Variants in RHPN1 observed in about 807,000 individuals in gnomAD.
RHPN1 encodes the protein rhophilin-1.
RHPN1 carries 77 observed loss-of-function variants against 74.7 expected under a neutral mutation model. The observed-to-expected ratio is 1.03, with a 90% CI of 0.86 to 1.25. The LOEUF is 1.25. Among genes scored for constraint, RHPN1 ranks in the 50% most tolerant of loss-of-function variants. The probability of loss-of-function intolerance (pLI) is 0.00; values close to 1 mark genes in which losing one functional copy is unlikely to be tolerated. For synonymous variants in RHPN1, 444 were observed against 414.5 expected, an observed-to-expected ratio of 1.07 and a Z score of -0.87; for missense variants, 987 against 932.2, an observed-to-expected ratio of 1.06 and a Z score of -0.77.
At chr8:143,376,236 C>T (rs911448317) in intron 2 of RHPN1, among the ~76,000 whole-genome samples, 1 of 152,228 alleles carries the variant, frequency 6.6e-6, no homozygotes, top group Non-Finnish European at 1.5e-5. Flanking sequence ...CTGTCGAGGG[C>T]TGTATGAGCC....
At position 143,376,519 on chromosome 8, in the gene RHPN1, C is replaced by T. The variant is rs974218035; in HGVS notation, c.177-6C>T. On this transcript the variant is annotated splice_region_variant and splice_polypyrimidine_tract_variant and intron_variant, in intron 2 of 14. Coordinates refer to ENST00000289013, the MANE Select transcript of RHPN1 (RefSeq NM_052924.3). ...CTGGGCTTTCAACTGCCGCGGCCTC[C>T]CTCAGAGCCACCAGCAACAACCGGG... The T allele has an allele frequency of 1.2e-6, 2 of 1,611,986 alleles. No individual in the cohort carries two copies. Among genetic ancestry groups the T allele is most frequent in the Non-Finnish European group, 1.7e-6 (2 of 1,179,406 alleles).
rs915417833 is a variant in RHPN1 at position 143,381,804 on chromosome 8, C to G, written c.1636-3C>G. On this transcript the variant is annotated splice_polypyrimidine_tract_variant and splice_region_variant and intron_variant, in intron 13 of 14. Transcript: ENST00000289013. ...CCACCTCACCGTCCAAGTCTCCCCACAGGCGGCTGGCCTGAAGGAGGGCGA... is the reference window on the plus strand; with the variant it reads ...CCACCTCACCGTCCAAGTCTCCCCAGAGGCGGCTGGCCTGAAGGAGGGCGA... The G allele has an allele frequency of 6.2e-7, 1 of 1,611,866 alleles. No homozygotes were observed. The highest frequency in any genetic ancestry group is 2.2e-5 in the East Asian group (1 of 44,834).
intron 5 of RHPN1, 24 bp downstream of exon 5, chr8:143,378,370 A>ACCCCCCCCCCC: frequency 1.3e-6 from 1 of 764,066 alleles, no homozygotes; most frequent in South Asian, 1.7e-5. Flanking sequence ...CCGCCCACCC[A>ACCCCCCCCCCC]CCCTCCTGCA....
upstream of RHPN1, among the ~76,000 whole-genome samples, chr8:143,364,407 C>T (rs1048995240): frequency 6.6e-6 from 1 of 152,136 alleles, no homozygotes; most frequent in African/African-American, 2.4e-5. The surrounding 1 kb of genome is among the most constrained non-coding windows in gnomAD (Gnocchi z 4.5). Context: ...GGTCCCTCAG[C>T]GGCCGGGAGG....
chr8:143,368,311 C>T (rs1817606472), upstream of RHPN1: 1 of 153,612 alleles, frequency 6.5e-6, no homozygotes, highest in Non-Finnish European at 1.5e-5. Context: ...GGCCTGGAGC[C>T]TCCGCTCCGC....
upstream of RHPN1, among the ~76,000 whole-genome samples, chr8:143,366,143 T>TC (rs11418673): frequency 0.63 from 95,686 of 151,834 alleles, 32,991 homozygotes; most frequent in South Asian, 0.84. Context: ...AATTTTTTTT[T>TC]CTTTATAAAT....
intron 2 of RHPN1, among the ~76,000 whole-genome samples, chr8:143,375,908 A>T: frequency 6.6e-6 from 1 of 152,224 alleles, no homozygotes; most frequent in Non-Finnish European, 1.5e-5. Flanking sequence ...CCGGGTGTGC[A>T]GCTTGGGAAG....
Position 143,368,936 on chromosome 8 carries a change from C to G in RHPN1, c.-52C>G, listed in dbSNP as rs1817648387. The G allele has an allele frequency of 7.2e-7, 1 of 1,391,680 alleles. No homozygotes were observed. Among genetic ancestry groups the G allele is most frequent in the African/African-American group, 1.5e-5 (1 of 65,496 alleles). 86.2% of individuals were successfully genotyped at this position (1,391,680 alleles called of 1,614,324 possible). ...CCTAGCCCGGCTGCGGAGCGCTGCG[C>G]GAGCGGCGGGCTGGCTGACCCCGAG... On this transcript the variant is annotated 5_prime_UTR_variant, in exon 1 of 15. Transcript: ENST00000289013.
rs375442649 is a variant in RHPN1 at position 143,376,816 on chromosome 8, CTGTG to C, written c.305+166_305+169del. ...TGCATGCATGTCTGTGCGCGTGTGT[CTGTG>C]TGCATGTGTCTGTGCATCTCTGTGT... On this transcript the variant is annotated intron_variant, in intron 3 of 14. Coordinates refer to ENST00000289013, the MANE Select transcript of RHPN1 (RefSeq NM_052924.3). Among the ~76,000 whole-genome samples the C allele has an allele frequency of 7.1e-4, 97 of 136,770 alleles. No homozygotes were observed. The South Asian group carries it at 0.016, about 22-fold the overall frequency. 89.7% of individuals were successfully genotyped at this position (136,770 alleles called of 152,430 possible). A position where few individuals can be genotyped will look rare whatever the true frequency, so the allele number is the denominator to read the frequency against.
rs140462652 is a variant in RHPN1, at chr8:143,377,140, T to TTGTG, written c.306-229_306-226dup. Among the ~76,000 whole-genome samples the TTGTG allele has an allele frequency of 1.1e-4, 16 of 150,304 alleles. No homozygotes were observed. The Middle Eastern group carries it at 0.014, about 133-fold the overall frequency. On this transcript the variant is annotated intron_variant, in intron 3 of 14. Transcript: ENST00000289013. Reference sequence around the variant, plus strand: ...TCTGCATGTGTATGCACGCATGTGTTTGTGTGTGTGTGTGCGCGCGCATGT... The same window carrying TTGTG: ...TCTGCATGTGTATGCACGCATGTGTTTGTGTGTGTGTGTGTGTGCGCGCGCATGT...
intron 1 of RHPN1, among the ~76,000 whole-genome samples, chr8:143,372,101 C>T (rs1483491574): frequency 1.3e-5 from 2 of 152,170 alleles, no homozygotes; most frequent in African/African-American, 2.4e-5. Context: ...CCAGGCTCCC[C>T]GCAGCTCTCC....
intron 10 of RHPN1, 50 bp downstream of exon 10, chr8:143,380,225 G>A (rs746458021): frequency 3.1e-5 from 39 of 1,274,382 alleles, no homozygotes; most frequent in Admixed American, 7.5e-5. Flanking sequence ...GTCACCAACG[G>A]TGGCAGGGTG....
rs1396684347 is a variant in RHPN1 at position 143,382,660 on chromosome 8, A to AT, written c.*10dup. On this transcript the variant is annotated 3_prime_UTR_variant, in exon 15 of 15. Coordinates refer to ENST00000289013, the MANE Select transcript of RHPN1 (RefSeq NM_052924.3). ...ACCCAGGGTGGCCGTGAGGGCCAGGATCCCTGCACGCCTCAGCCCTGGCTC... is the reference window on the plus strand; with the variant it reads ...ACCCAGGGTGGCCGTGAGGGCCAGGATTCCCTGCACGCCTCAGCCCTGGCTC... 6.2e-7 allele frequency: 1 copy of AT among 1,603,848 alleles called. No homozygotes were observed. Among genetic ancestry groups the AT allele is most frequent in the Admixed American group, 1.7e-5 (1 of 59,852 alleles).
At position 143,381,910 on chromosome 8, in the gene RHPN1, A is replaced by G. The variant is rs1344061021; in HGVS notation, c.1739A>G (p.Glu580Gly). ...EVVTELKAAG[E>G]AGASLQVVSL... ...GTGACGGAGCTGAAGGCTGCGGGAGAGGCGGGCGCCAGCCTGCAGGTGGTG... is the reference window on the plus strand; with the variant it reads ...GTGACGGAGCTGAAGGCTGCGGGAGGGGCGGGCGCCAGCCTGCAGGTGGTG... The change falls in exon 14 of 15, where the codon GAG becomes GGG. Residue 580 changes from glutamate (E) to glycine (G), a missense_variant. Physicochemically the swap from Glu to Gly is moderately conservative, Grantham distance 98. Transcript: ENST00000289013. The G allele has an allele frequency of 6.2e-7, 1 of 1,611,356 alleles. No individual in the cohort carries two copies. The highest frequency in any genetic ancestry group is 1.3e-5 in the African/African-American group (1 of 74,876).
chr8:143,375,077 C>A (rs1035960479), intron 1 of RHPN1, among the ~76,000 whole-genome samples: 4 of 152,206 alleles, frequency 2.6e-5, no homozygotes, highest in African/African-American at 4.8e-5. Flanking sequence ...GAGCCCACGC[C>A]TAAACCCACA....
chr8:143,382,958 G>A lies in RHPN1; in HGVS notation c.*307G>A, dbSNP rs544912570. 9.8e-6 allele frequency: 4 copies of A among 407,012 alleles called. No homozygotes were observed. Among genetic ancestry groups the A allele is most frequent in the Non-Finnish European group, 1.8e-5 (4 of 222,248 alleles). The allele number at this position is 407,012 out of a possible 1,614,324, so 25.2% of individuals were successfully genotyped here. A position where few individuals can be genotyped will look rare whatever the true frequency, so the allele number is the denominator to read the frequency against. ...TCACAGCCATCCCATCTGTACCCCC[G>A]GGCTCTGTCCACCCTGCTGCTGCCC... On this transcript the variant is annotated 3_prime_UTR_variant, in exon 15 of 15. Coordinates refer to ENST00000289013, the MANE Select transcript of RHPN1 (RefSeq NM_052924.3).
At chr8:143,366,548 T>TGCACGCACACACACGCACAC (rs1817559975), upstream of RHPN1, 1 of 147,344 alleles carries the variant, frequency 6.8e-6, no homozygotes, top group African/African-American at 2.6e-5. Flanking sequence ...CACGCACATA[T>TGCACGCACACACACGCACAC]GCACGCACAC....
At position 143,383,905 on chromosome 8, in the gene RHPN1, TCCG is replaced by T. The variant is rs1818902690; in HGVS notation, c.*1256_*1258del. 3 of 152,328 alleles carry T rather than the reference TCCG, an allele frequency of 2.0e-5. No individual in the cohort carries two copies. In the South Asian group the frequency reaches 6.2e-4, roughly 32 times the overall value. 9.4% of individuals were successfully genotyped at this position (152,328 alleles called of 1,614,324 possible). ...CCTCTTGTCCAGTCCCTTCCGAGGG[TCCG>T]CAGGTGAGAGCAGCCTGCCCTGCAT... On this transcript the variant is annotated 3_prime_UTR_variant, in exon 15 of 15. Coordinates refer to ENST00000289013, the MANE Select transcript of RHPN1 (RefSeq NM_052924.3).
In RHPN1 at chr8:143,380,022, G is replaced by A. The variant is rs1435870018; in HGVS notation, c.1102+37G>A. The A allele has an allele frequency of 3.2e-6, 5 of 1,549,818 alleles. No homozygotes were observed. In the Admixed American group the frequency reaches 5.9e-5, roughly 18 times the overall value. On this transcript the variant is annotated intron_variant, in intron 9 of 14. Coordinates refer to ENST00000289013, the MANE Select transcript of RHPN1 (RefSeq NM_052924.3). ...CCACACTTGCCCATGGTACTGCCAA[G>A]GCCCCCCCGCGCAGGGCTCACAGCC...
Sources: allele counts gnomAD v4.1 joint callset (sites outside exome capture counted in the v4.1 genomes callset), GRCh38; gene constraint gnomAD v4.1.1; non-coding constraint Gnocchi (gnomAD v3.1); transcripts MANE v1.5; gene names NCBI Gene and HGNC (gene_info 2026-07-23, HGNC 2026-07-21).